PPP2R2C: variants seen among roughly 807,000 people sequenced by gnomAD.
PPP2R2C encodes protein phosphatase 2, regulatory subunit B, gamma.
PPP2R2C carries 10 observed loss-of-function variants against 45.3 expected under a neutral mutation model. The ratio of observed to expected loss-of-function variants is 0.22; its 90% confidence interval spans 0.14 to 0.37. The LOEUF is 0.37. PPP2R2C is among the 10% of genes least tolerant of loss of function. The pLI is 1.00. For synonymous variants in PPP2R2C, 257 were observed against 245.4 expected, an observed-to-expected ratio of 1.05 and a Z score of -0.44; for missense variants, 308 against 619.7, an observed-to-expected ratio of 0.50 and a Z score of 5.34.
intron 6 of PPP2R2C, among the ~76,000 whole-genome samples, chr4:6,341,455 G>A (rs896855850): frequency 2.0e-5 from 3 of 152,064 alleles, no homozygotes; most frequent in African/African-American, 7.2e-5. Context: ...GAGACTCTCT[G>A]AGGCTCTATC....
chr4:6,402,748 G>T (rs947378808), intron 1 of PPP2R2C, among the ~76,000 whole-genome samples: 5 of 152,232 alleles, frequency 3.3e-5, no homozygotes, highest in African/African-American at 1.2e-4. Flanking sequence ...CTTCCTGGAG[G>T]AGGAGGCACT....
At chr4:6,413,911 C>T (rs1457232985) in intron 1 of PPP2R2C, 2 of 1,536,166 alleles carry the variant, frequency 1.3e-6, no homozygotes, top group Non-Finnish European at 1.7e-6. Context: ...ACCCGTGTCT[C>T]TCTTTCCCAT....
At chr4:6,519,144 G>A (rs1723931273) in intron 2 of PPP2R2C, among the ~76,000 whole-genome samples, 1 of 152,084 alleles carries the variant, frequency 6.6e-6, no homozygotes. Flanking sequence ...TGAGAGGGGA[G>A]CATTCTGCCA....
At chr4:6,354,779 C>T (rs1662052458) in intron 5 of PPP2R2C, among the ~76,000 whole-genome samples, 1 of 151,966 alleles carries the variant, frequency 6.6e-6, no homozygotes, top group Admixed American at 6.6e-5. Flanking sequence ...TACCTGAGCC[C>T]GGGTGCGTGA....
At chr4:6,403,654 G>A (rs903615220) in intron 1 of PPP2R2C, among the ~76,000 whole-genome samples, 2 of 152,102 alleles carry the variant, frequency 1.3e-5, no homozygotes, top group Non-Finnish European at 2.9e-5. Flanking sequence ...TTTGAGGTCA[G>A]GAGTTCAAGA....
At chr4:6,408,064 A>C (rs920921027) in intron 1 of PPP2R2C, among the ~76,000 whole-genome samples, 1 of 152,242 alleles carries the variant, frequency 6.6e-6, no homozygotes, top group Non-Finnish European at 1.5e-5. Flanking sequence ...TTTTACGTGC[A>C]TAACCTGGCT....
Position 6,504,735 on chromosome 4 carries a change from G to A in PPP2R2C, c.49+30536C>T, listed in dbSNP as rs530564166. On this transcript the variant is annotated intron_variant, in intron 2 of 9. Transcript: ENST00000506140. ...GAGTCAGTGAAAGTGAAGGGAGATC[G>A]ACAGAATTTTTACTCTATCTGAAAA... Among the ~76,000 whole-genome samples the A allele has an allele frequency of 2.4e-4, 37 of 152,236 alleles. 2 individuals carry two copies. The highest frequency in any genetic ancestry group is 1.7e-3 in the Admixed American group (26 of 15,284).
rs780401617 is a variant in PPP2R2C at position 6,332,843 on chromosome 4, C to A, written c.960+719G>T. Among the ~76,000 whole-genome samples the A allele has an allele frequency of 2.6e-5, 4 of 152,124 alleles. No homozygotes were observed. In the East Asian group the frequency reaches 5.8e-4, roughly 22 times the overall value. On this transcript the variant is annotated intron_variant, in intron 7 of 8. Coordinates refer to ENST00000382599, the MANE Select transcript of PPP2R2C (RefSeq NM_020416.4). The surrounding 1 kb of genome is among the most constrained non-coding windows in gnomAD (Gnocchi z 4.9). ...GGGTGTTTTCCCACCCATGTTTGCACGGCCAGATCTTACCCATCCTTCAAG... is the reference window on the plus strand; with the variant it reads ...GGGTGTTTTCCCACCCATGTTTGCAAGGCCAGATCTTACCCATCCTTCAAG...
At chr4:6,370,452 TG>T (rs1714712912) in intron 5 of PPP2R2C, among the ~76,000 whole-genome samples, 1 of 152,086 alleles carries the variant, frequency 6.6e-6, no homozygotes. Flanking sequence ...ATCCAGGGGT[TG>T]GGGGCGGAGC....
chr4:6,370,862 G>T (rs1178177271), intron 5 of PPP2R2C, among the ~76,000 whole-genome samples: 1 of 152,218 alleles, frequency 6.6e-6, no homozygotes, highest in Non-Finnish European at 1.5e-5. Context: ...TCAGACAGAT[G>T]TCCAGCCCAG....
chr4:6,447,611 G>A (rs1720499020), intron 1 of PPP2R2C, among the ~76,000 whole-genome samples: 1 of 149,740 alleles, frequency 6.7e-6, no homozygotes, highest in Non-Finnish European at 1.5e-5. Context: ...GGTTGCAAGA[G>A]ACCATTTCCC....
chr4:6,523,026 T>C (rs1424116273), intron 2 of PPP2R2C, among the ~76,000 whole-genome samples: 1 of 152,098 alleles, frequency 6.6e-6, no homozygotes, highest in African/African-American at 2.4e-5. Context: ...AAGCCTTGGG[T>C]CAAGAAGTCA....
At chr4:6,341,552 G>A (rs1485077560) in intron 6 of PPP2R2C, among the ~76,000 whole-genome samples, 5 of 152,138 alleles carry the variant, frequency 3.3e-5, no homozygotes, top group South Asian at 4.1e-4. Context: ...CCCTAAAGGC[G>A]TCTATCTACA....
Position 6,372,510 on chromosome 4 carries a change from C to T in PPP2R2C, c.625+13G>A. On this transcript the variant is annotated intron_variant, in intron 5 of 8. Coordinates refer to ENST00000382599, the MANE Select transcript of PPP2R2C (RefSeq NM_020416.4). Reference sequence around the variant, plus strand: ...CCCGTGGGAGGCACTGGCCAGGCCACAGTGAAGGATACTGAAGCTCCTGTC... The same window carrying T: ...CCCGTGGGAGGCACTGGCCAGGCCATAGTGAAGGATACTGAAGCTCCTGTC... 6.2e-7 allele frequency: 1 copy of T among 1,612,674 alleles called. No homozygotes were observed. Among genetic ancestry groups the T allele is most frequent in the Admixed American group, 1.7e-5 (1 of 60,004 alleles).
intron 1 of PPP2R2C, among the ~76,000 whole-genome samples, chr4:6,460,855 T>A (rs572562878): frequency 8.5e-5 from 13 of 152,266 alleles, no homozygotes; most frequent in African/African-American, 2.9e-4. Flanking sequence ...TTCCACAATG[T>A]CAATAGGATA....
intron 1 of PPP2R2C, among the ~76,000 whole-genome samples, chr4:6,467,409 G>A (rs1385957088): frequency 1.3e-5 from 2 of 152,110 alleles, no homozygotes; most frequent in South Asian, 2.1e-4. Flanking sequence ...GAGAGACCGT[G>A]TGACCTGCCC....
At chr4:6,496,573 T>C (rs111643322) in intron 2 of PPP2R2C, among the ~76,000 whole-genome samples, 3,990 of 152,314 alleles carry the variant, frequency 0.026, 194 homozygotes, top group African/African-American at 0.091. Context: ...CGTTAAAGTC[T>C]GTGATAGGCT....
rs57209185 is a variant in PPP2R2C at position 6,408,873 on chromosome 4, CTT to C, written c.71-27781_71-27780del. Among the ~76,000 whole-genome samples the C allele has an allele frequency of 1.6e-3, 206 of 126,728 alleles. 2 individuals are homozygous for C. The East Asian group carries it at 0.023, about 14-fold the overall frequency. 83.1% of individuals were successfully genotyped at this position (126,728 alleles called of 152,430 possible). On this transcript the variant is annotated intron_variant, in intron 1 of 8. Coordinates refer to ENST00000382599, the MANE Select transcript of PPP2R2C (RefSeq NM_020416.4). ...AGAGGGCCTCTCAAGGATCCTGTGG[CTT>C]TTTTTTTTTTTTTTTTAGGATTACA...
At position 6,472,481 on chromosome 4, in the gene PPP2R2C, C is replaced by G. The variant is rs1395861063; in HGVS notation, c.-252G>C. The G allele has an allele frequency of 4.5e-6, 1 of 222,974 alleles. No individual in the cohort carries two copies. 13.8% of individuals were successfully genotyped at this position (222,974 alleles called of 1,614,324 possible). A position where few individuals can be genotyped will look rare whatever the true frequency, so the allele number is the denominator to read the frequency against. Reference sequence around the variant, plus strand: ...CGGGCCGGGGCCCAGGCGCGCATCCCGGCCGGCCCGTGCGCGCTGCGTCCG... The same window carrying G: ...CGGGCCGGGGCCCAGGCGCGCATCCGGGCCGGCCCGTGCGCGCTGCGTCCG... On this transcript the variant is annotated 5_prime_UTR_variant, in exon 1 of 9. Transcript: ENST00000382599.
Sources: gnomAD v4.1 joint callset for allele counts (sites outside exome capture counted in the v4.1 genomes callset) on GRCh38, gnomAD v4.1.1 for gene constraint, Gnocchi (gnomAD v3.1) non-coding constraint, MANE v1.5 for transcripts, NCBI Gene and HGNC (gene_info 2026-07-23, HGNC 2026-07-21) for gene names.